TGFBI: variants seen among roughly 807,000 people sequenced by gnomAD.
TGFBI encodes the protein transforming growth factor beta induced.
A neutral mutation model predicts 73.7 loss-of-function variants in TGFBI; 50 were observed. The observed-to-expected ratio is 0.68, with a 90% confidence interval of 0.54 to 0.86. The LOEUF is 0.86. TGFBI is among the 40% of genes least tolerant of loss of function. The pLI is 0.00. For synonymous variants in TGFBI, 362 were observed against 360.5 expected (o/e 1.00, Z -0.05); for missense variants, 839 against 877.0 (o/e 0.96, Z 0.55).
chr5:136,046,884 A>G lies in TGFBI; in HGVS notation c.493A>G (p.Ile165Val). Reference sequence around the variant, plus strand: ...GGACTCCCTGGTCAGCAATGTCAACATTGAGCTGCTCAATGCCCTCCGCTA... The same window carrying G: ...GGACTCCCTGGTCAGCAATGTCAACGTTGAGCTGCTCAATGCCCTCCGCTA... Reference protein sequence around the residue: ...VLDSLVSNVNIELLNALRYHM... With the variant: ...VLDSLVSNVNVELLNALRYHM... Residue 165 changes from isoleucine to valine, a missense_variant, in exon 5 of 17, where the codon ATT (isoleucine) becomes GTT (valine). Ile to Val is a conservative substitution (Grantham distance 29). Transcript: ENST00000442011. 6.2e-7 allele frequency: 1 copy of G among 1,613,684 alleles called. No homozygotes were observed. The highest frequency in any genetic ancestry group is 2.2e-5 in the East Asian group (1 of 44,824).
intron 2 of TGFBI, among the ~76,000 whole-genome samples, chr5:136,039,654 A>G (rs1751294705): frequency 6.6e-6 from 1 of 152,212 alleles, no homozygotes; most frequent in African/African-American, 2.4e-5. Flanking sequence ...GGAGTGCCCA[A>G]AATGCCCTCA....
intron 3 of TGFBI, among the ~76,000 whole-genome samples, chr5:136,044,505 A>G (rs553033209): frequency 6.6e-6 from 1 of 152,348 alleles, no homozygotes; most frequent in Non-Finnish European, 1.5e-5. Context: ...GCTCTGCTAG[A>G]GAGCCGATGG....
chr5:136,056,999 C>G (rs767902954), intron 12 of TGFBI, among the ~76,000 whole-genome samples: 3 of 152,144 alleles, frequency 2.0e-5, no homozygotes, highest in Admixed American at 6.5e-5. Context: ...TTTACTACCC[C>G]TAGGCCTGGG....
At chr5:136,047,643 T>C in intron 6 of TGFBI, 1 of 566,170 alleles carries the variant, frequency 1.8e-6, no homozygotes, top group East Asian at 3.1e-5. Context: ...TTCCCTTCCT[T>C]GCCTCCCCTG....
At chr5:136,041,035 T>C (rs960436324) in intron 2 of TGFBI, among the ~76,000 whole-genome samples, 1 of 152,246 alleles carries the variant, frequency 6.6e-6, no homozygotes, top group African/African-American at 2.4e-5. Flanking sequence ...TCACAGCTGC[T>C]CTCTGCTGCT....
At chr5:136,043,161 T>A (rs1751369090) in intron 2 of TGFBI, among the ~76,000 whole-genome samples, 1 of 152,238 alleles carries the variant, frequency 6.6e-6, no homozygotes, top group South Asian at 2.1e-4. Flanking sequence ...CCACCGAAGG[T>A]ACAGGGTAGC....
chr5:136,053,843 A>C, intron 8 of TGFBI, 100 bp from the exon 9 acceptor site: 1 of 1,550,234 alleles, frequency 6.5e-7, no homozygotes, highest in Non-Finnish European at 8.8e-7. Flanking sequence ...TTGACTCACG[A>C]GATGACATTC....
chr5:136,039,568 C>G (rs972043562), intron 2 of TGFBI, among the ~76,000 whole-genome samples: 1 of 152,180 alleles, frequency 6.6e-6, no homozygotes, highest in Admixed American at 6.5e-5. Flanking sequence ...TTGCTCACCC[C>G]CTGCTGTAAA....
intron 8 of TGFBI, among the ~76,000 whole-genome samples, chr5:136,053,602 G>A (rs1485144754): frequency 6.6e-6 from 1 of 152,220 alleles, no homozygotes; most frequent in Non-Finnish European, 1.5e-5. Context: ...TGCTTCTATG[G>A]GTGTGGTTGC....
chr5:136,031,379 T>G (rs1478407704), intron 1 of TGFBI, among the ~76,000 whole-genome samples: 1 of 152,236 alleles, frequency 6.6e-6, no homozygotes, highest in East Asian at 1.9e-4. Context: ...TTTTAAGGAA[T>G]TGTAGCGTGC....
chr5:136,062,714 T>C (rs1225736971), intron 16 of TGFBI, 27 bp downstream of exon 16: 8 of 1,562,020 alleles, frequency 5.1e-6, no homozygotes, highest in South Asian at 1.2e-5. Context: ...TTTGAAGTCA[T>C]TGCAGACCTG....
At chr5:136,062,558 C>G in intron 15 of TGFBI, 105 bp from the exon 16 acceptor site, 2 of 1,219,818 alleles carry the variant, frequency 1.6e-6, no homozygotes, top group Non-Finnish European at 2.4e-6. Flanking sequence ...CTTCCTCGCC[C>G]CAGCATTTTT....
chr5:136,058,447 C>G (rs1436668958), intron 12 of TGFBI, among the ~76,000 whole-genome samples: 2 of 152,078 alleles, frequency 1.3e-5, no homozygotes, highest in Non-Finnish European at 2.9e-5. Flanking sequence ...AGATGCCTGC[C>G]CCAGTTGCTG....
At chr5:136,055,841 A>C (rs1371212957) in intron 11 of TGFBI, 25 bp downstream of exon 11, 1 of 1,582,680 alleles carries the variant, frequency 6.3e-7, no homozygotes, top group Non-Finnish European at 8.6e-7. Flanking sequence ...CCCCGGGTGG[A>C]GCTTCTGCCC....
intron 14 of TGFBI, 28 bp from the exon 15 acceptor site, chr5:136,061,472 T>C (rs1321637424): frequency 1.3e-6 from 2 of 1,560,256 alleles, no homozygotes; most frequent in Admixed American, 1.8e-5. Flanking sequence ...TTCACTCTGG[T>C]CAAACCTGCC....
intron 2 of TGFBI, 90 bp from the exon 3 acceptor site, chr5:136,043,968 C>A: frequency 9.5e-7 from 1 of 1,057,900 alleles, no homozygotes; most frequent in Non-Finnish European, 1.5e-6. Context: ...TCTTCCTTGG[C>A]TGTGGAGGCA....
intron 1 of TGFBI, among the ~76,000 whole-genome samples, 198 bp downstream of exon 1, chr5:136,029,387 G>T (rs892245564): frequency 2.6e-5 from 4 of 152,228 alleles, no homozygotes; most frequent in Non-Finnish European, 5.9e-5. Flanking sequence ...ACCATGGAGG[G>T]AAAGCGGGAG....
intron 2 of TGFBI, among the ~76,000 whole-genome samples, chr5:136,040,415 G>A (rs1173574559): frequency 6.6e-6 from 1 of 152,194 alleles, no homozygotes; most frequent in Non-Finnish European, 1.5e-5. Context: ...ATCAGCAGTG[G>A]CATTAGATTC....
intron 7 of TGFBI, chr5:136,049,820 G>C: frequency 2.1e-6 from 1 of 469,128 alleles, no homozygotes; most frequent in South Asian, 3.2e-5. Flanking sequence ...CTGGACTGAA[G>C]AGAGGCATAG....
Sources: gnomAD v4.1 joint callset for allele counts (sites outside exome capture counted in the v4.1 genomes callset) on GRCh38, gnomAD v4.1.1 for gene constraint, MANE v1.5 for transcripts, NCBI Gene and HGNC (gene_info 2026-07-23, HGNC 2026-07-21) for gene names.